NDST2: variants seen among roughly 807,000 people sequenced by gnomAD.
NDST2 encodes the protein N-deacetylase and N-sulfotransferase 2.
Under a neutral mutation model 86.9 loss-of-function variants are expected in NDST2, and 32 were observed. That is an observed-to-expected ratio of 0.37 (90% CI 0.28 to 0.49). The LOEUF (loss-of-function observed/expected upper bound fraction) is 0.49, where lower values mean the gene tolerates loss of function less well. Among genes scored for constraint, NDST2 ranks in the 20% least tolerant of loss-of-function variants. The pLI is 0.97. For missense variants in NDST2, 950 were observed against 1,146.9 expected, an observed-to-expected ratio of 0.83 and a Z score of 2.48; for synonymous variants, 409 against 437.0, an observed-to-expected ratio of 0.94 and a Z score of 0.80.
Position 73,807,422 on chromosome 10 carries a change from C to A in NDST2, c.967G>T (p.Gly323Cys). Residue 323 changes from glycine to cysteine, a missense_variant, in exon 3 of 15, where the codon GGC becomes TGC. By Grantham distance (159) the Gly-to-Cys change is radical. This residue lies in a region of NDST2 where 586 missense variants were observed against 714.0 expected (regional missense o/e 0.82). Coordinates refer to ENST00000309979, the MANE Select transcript of NDST2 (RefSeq NM_003635.4). ...ILVDIDDIFV[G>C]KEGTRMKVAD... is the part of the protein sequence containing the mutation. ...ACCTTCATGCGGGTCCCTTCCTTGC[C>A]CACAAAGATGTCATCGATGTCTACC... 1 of 1,614,182 alleles carries A rather than the reference C, an allele frequency of 6.2e-7. No individual in the cohort carries two copies. Among genetic ancestry groups the A allele is most frequent in the Non-Finnish European group, 8.5e-7 (1 of 1,180,038 alleles).
Position 73,805,786 on chromosome 10 carries a change from C to A in NDST2, c.1564-17G>T. The A allele has an allele frequency of 1.2e-6, 2 of 1,613,880 alleles. No individual in the cohort carries two copies. Among genetic ancestry groups the A allele is most frequent in the Non-Finnish European group, 1.7e-6 (2 of 1,179,762 alleles). ...GATGCTGATCTGTAAGGGGTACCTG[C>A]ATGTCAGATTTGGAGAGCCTACCCC... On this transcript the variant is annotated splice_polypyrimidine_tract_variant and intron_variant, in intron 7 of 14. Transcript: ENST00000309979.
At chr10:73,805,487 C>T (rs951999205) in intron 8 of NDST2, 100 bp downstream of exon 8, 29 of 1,196,810 alleles carry the variant, frequency 2.4e-5, no homozygotes, top group Non-Finnish European at 3.3e-5. Flanking sequence ...GTACTCTAGC[C>T]TGGGTGACAG....
chr10:73,806,511 G>GA lies in NDST2; in HGVS notation c.1249-38_1249-37insT. 3 of 1,559,466 alleles carry GA rather than the reference G, an allele frequency of 1.9e-6. No individual in the cohort carries two copies. Among genetic ancestry groups the GA allele is most frequent in the Non-Finnish European group, 2.6e-6 (3 of 1,150,472 alleles). On this transcript the variant is annotated intron_variant, in intron 5 of 14. Coordinates refer to ENST00000309979, the MANE Select transcript of NDST2 (RefSeq NM_003635.4). This position sits in a 1 kb window ranked among gnomAD's most constrained non-coding sequence, Gnocchi z 4.5. ...ATAGACTCTCACCAGGACCTGGTGA[G>GA]GTTTGGGGAGTAGAGGGTAAAGAGG...
Position 73,810,802 on chromosome 10 carries a change from G to A in NDST2, c.-345C>T. The A allele has an allele frequency of 2.5e-6, 1 of 398,956 alleles. No homozygotes were observed. The highest frequency in any genetic ancestry group is 4.4e-6 in the Non-Finnish European group (1 of 226,054). The allele number at this position is 398,956 out of a possible 1,614,324, so 24.7% of individuals were successfully genotyped here. ...GTAACTCAGAGAAGCTTAGAACCTT[G>A]CCCAGGATCACACAGCTCAGTTGGT... On this transcript the variant is annotated 5_prime_UTR_variant, in exon 2 of 15. Coordinates refer to ENST00000309979, the MANE Select transcript of NDST2 (RefSeq NM_003635.4).
intron 2 of NDST2, among the ~76,000 whole-genome samples, chr10:73,810,214 T>G (rs1175136613): frequency 1.3e-5 from 2 of 152,078 alleles, no homozygotes; most frequent in Admixed American, 6.5e-5. Context: ...ATTCCAGCAC[T>G]GTGAAAGGCC....
intron 9 of NDST2, among the ~76,000 whole-genome samples, chr10:73,804,371 T>C (rs2084062054): frequency 6.6e-6 from 1 of 152,204 alleles, no homozygotes; most frequent in Admixed American, 6.5e-5. Context: ...CCGGGTGCGG[T>C]GGCTCATGCC....
In NDST2 at chr10:73,803,884, C is replaced by A; in HGVS notation, c.1967+9G>T. 1 of 1,614,106 alleles carries A rather than the reference C, an allele frequency of 6.2e-7. No homozygotes were observed. The highest frequency in any genetic ancestry group is 8.5e-7 in the Non-Finnish European group (1 of 1,180,004). On this transcript the variant is annotated intron_variant, in intron 10 of 14. Coordinates refer to ENST00000309979, the MANE Select transcript of NDST2 (RefSeq NM_003635.4). ...CTCTGAGAAACATTCAAATGGGGCC[C>A]AGTCTCACCAGTCAATACCCTTGTG...
intron 1 of NDST2, 70 bp downstream of exon 1, chr10:73,811,404 A>C (rs915128916): frequency 6.6e-6 from 1 of 151,454 alleles, no homozygotes; most frequent in African/African-American, 2.4e-5. Context: ...TGGTGGCAAC[A>C]TCCAAGGGAG....
intron 11 of NDST2, 42 bp downstream of exon 11, chr10:73,803,532 C>G: frequency 1.6e-6 from 1 of 627,720 alleles, no homozygotes; most frequent in Non-Finnish European, 2.8e-6. Context: ...CCTCCCCCCT[C>G]CCCCCAACCT....
At chr10:73,803,815 C>T (rs183334965) in intron 10 of NDST2, 67 bp from the exon 11 acceptor site, 1 of 1,613,412 alleles carries the variant, frequency 6.2e-7, no homozygotes, top group East Asian at 2.2e-5. Context: ...GAAGTCTGTG[C>T]TGAGGGAAGC....
In NDST2 at chr10:73,808,615, C is replaced by T; in HGVS notation, c.-227G>A. Reference sequence around the variant, plus strand: ...TATACAGAGTCCACTTGTCTCAGGTCACCATGGCCCCCTGGCCCATGGCTT... The same window carrying T: ...TATACAGAGTCCACTTGTCTCAGGTTACCATGGCCCCCTGGCCCATGGCTT... On this transcript the variant is annotated 5_prime_UTR_variant, in exon 3 of 15. Transcript: ENST00000309979. The surrounding 1 kb of genome is among the most constrained non-coding windows in gnomAD (Gnocchi z 4.3). 4.0e-6 allele frequency: 2 copies of T among 500,984 alleles called. No homozygotes were observed. The highest frequency in any genetic ancestry group is 3.4e-5 in the South Asian group (1 of 29,160). The allele number at this position is 500,984 out of a possible 1,614,324, so 31.0% of individuals were successfully genotyped here. A position where few individuals can be genotyped will look rare whatever the true frequency, so the allele number is the denominator to read the frequency against.
In NDST2 at chr10:73,803,964, G is replaced by A. The variant is rs1203497721; in HGVS notation, c.1896C>T (p.Ser632=). ...FLSLHPAVTS[S]FPSPSTFEEI... is the part of the protein sequence containing the mutation. ...CCTCAAATGTGCTGGGGCTAGGGAA[G>A]CTGCTAGTTACAGCTGGGTGCAGGC... Residue 632 remains serine, a synonymous_variant, in exon 10 of 15, where the codon AGC becomes AGT. Transcript: ENST00000309979. 2.7e-5 allele frequency: 44 copies of A among 1,614,166 alleles called. No homozygotes were observed. The highest frequency in any genetic ancestry group is 3.6e-5 in the Non-Finnish European group (43 of 1,180,032).
chr10:73,804,629 T>A (rs1385744506), intron 9 of NDST2, 144 bp downstream of exon 9: 2 of 408,684 alleles, frequency 4.9e-6, no homozygotes, highest in African/African-American at 4.3e-5. Flanking sequence ...GAAGTGAGAC[T>A]CTTATCTCAA....
At position 73,803,637 on chromosome 10, in the gene NDST2, C is replaced by G; in HGVS notation, c.2079G>C (p.Leu693=). ...EVVPRRGAAL[L]PRAKIITVLT... is the part of the protein sequence containing the mutation. ...GCACTGTGATGATCTTGGCTCGTGG[C>G]AGGAGGGCAGCCCCCCGCCGTGGTA... The change falls in exon 11 of 15, where the codon CTG becomes CTC. Residue 693 remains leucine (L), a synonymous_variant. Coordinates refer to ENST00000309979, the MANE Select transcript of NDST2 (RefSeq NM_003635.4). 6.2e-7 allele frequency: 1 copy of G among 1,613,316 alleles called. No individual in the cohort carries two copies. The highest frequency in any genetic ancestry group is 8.5e-7 in the Non-Finnish European group (1 of 1,179,894).
In NDST2 at chr10:73,802,723, C is replaced by CGA. The variant is rs1300837090; in HGVS notation, c.2475_2476dup (p.Arg826LeufsTer4). ...CCGGCCTTTGCTCCGGCCTAGACAGCGAGTCTTACCACCTTCAAGTCCCTG... is the reference window on the plus strand; with the variant it reads ...CCGGCCTTTGCTCCGGCCTAGACAGCGAGAGTCTTACCACCTTCAAGTCCCTG... On this transcript the variant is annotated frameshift_variant, in exon 14 of 15. Coordinates refer to ENST00000309979, the MANE Select transcript of NDST2 (RefSeq NM_003635.4). LOFTEE classifies it high-confidence loss of function. 1 of 1,614,044 alleles carries CGA rather than the reference C, an allele frequency of 6.2e-7. No homozygotes were observed. Among genetic ancestry groups the CGA allele is most frequent in the Non-Finnish European group, 8.5e-7 (1 of 1,180,034 alleles).
In NDST2 at chr10:73,807,446, C is replaced by T. The variant is rs1269751905; in HGVS notation, c.943G>A (p.Val315Ile). Residue 315 changes from valine (V) to isoleucine (I), a missense_variant, in exon 3 of 15, where the codon GTA becomes ATA. Val to Ile is a conservative substitution (Grantham distance 29). Around this residue, in one of 5 missense-constraint regions of NDST2, gnomAD observed 586 missense variants for 714.0 expected, o/e 0.82. Transcript: ENST00000309979. ...LCLDLDRYIL[V>I]DIDDIFVGKE... is the part of the protein sequence containing the mutation. ...CCCACAAAGATGTCATCGATGTCTACCAAGATGTAGCGGTCAAGGTCCAGG... is the reference window on the plus strand; with the variant it reads ...CCCACAAAGATGTCATCGATGTCTATCAAGATGTAGCGGTCAAGGTCCAGG... The T allele has an allele frequency of 6.2e-7, 1 of 1,614,178 alleles. No homozygotes were observed. Among genetic ancestry groups the T allele is most frequent in the East Asian group, 2.2e-5 (1 of 44,878 alleles).
In NDST2 at chr10:73,803,368, CAA is replaced by C. The variant is rs1337977189; in HGVS notation, c.2143-11_2143-10del. The C allele has an allele frequency of 2.5e-6, 4 of 1,614,084 alleles. No individual in the cohort carries two copies. Among genetic ancestry groups the C allele is most frequent in the Non-Finnish European group, 3.4e-6 (4 of 1,179,968 alleles). On this transcript the variant is annotated splice_polypyrimidine_tract_variant and intron_variant, in intron 11 of 14. Transcript: ENST00000309979. Reference sequence around the variant, plus strand: ...CCATGGGCTCGCTGATGCTGAAGGACAAAGAGAAGGAAGGTGAAGGACTGGTG... The same window carrying C: ...CCATGGGCTCGCTGATGCTGAAGGACAGAGAAGGAAGGTGAAGGACTGGTG...
At chr10:73,809,925 G>T (rs2084167353) in intron 2 of NDST2, among the ~76,000 whole-genome samples, 1 of 152,098 alleles carries the variant, frequency 6.6e-6, no homozygotes, top group African/African-American at 2.4e-5. Context: ...AGAGATGGGG[G>T]TCTTGTTACG....
Position 73,803,189 on chromosome 10 carries a change from C to G in NDST2, c.2313G>C (p.Gln771His). The G allele has an allele frequency of 6.2e-7, 1 of 1,614,194 alleles. No homozygotes were observed. The highest frequency in any genetic ancestry group is 8.5e-7 in the Non-Finnish European group (1 of 1,180,036). Residue 771 changes from glutamine (Q) to histidine (H), a missense_variant and splice_region_variant, in exon 12 of 15, where the codon CAG becomes CAC. Gln to His is a conservative substitution (Grantham distance 24). Coordinates refer to ENST00000309979, the MANE Select transcript of NDST2 (RefSeq NM_003635.4). ...QRWLTYYPSG[Q>H]LLIVDGQELR... ...CTGAGGGCTCTTGTGGGGATTATAC[C>G]TGTCCAGAGGGGTAGTAAGTCAGCC...
Sources: gnomAD v4.1 joint callset for allele counts (sites outside exome capture counted in the v4.1 genomes callset) on GRCh38, gnomAD v4.1.1 for gene constraint, gnomAD v4.1.1 regional missense constraint, Gnocchi (gnomAD v3.1) non-coding constraint, MANE v1.5 for transcripts, NCBI Gene and HGNC (gene_info 2026-07-23, HGNC 2026-07-21) for gene names.